STAT5B: variants seen among roughly 807,000 people sequenced by gnomAD.
STAT5B encodes the protein transcription factor STAT5B.
STAT5B carries 21 observed loss-of-function variants against 107.8 expected under a neutral mutation model. The ratio of observed to expected loss-of-function variants is 0.19; its 90% CI spans 0.14 to 0.28. STAT5B has a LOEUF of 0.28. STAT5B is among the 10% of genes least tolerant of loss of function. The pLI is 1.00. For missense variants in STAT5B, 565 were observed against 1,008.2 expected (o/e 0.56, Z 5.95); for synonymous variants, 325 against 401.7 (o/e 0.81, Z 2.28).
At chr17:42,268,866 T>G (rs1035195263) in intron 1 of STAT5B, among the ~76,000 whole-genome samples, 1 of 152,232 alleles carries the variant, frequency 6.6e-6, no homozygotes, top group African/African-American at 2.4e-5. Context: ...TTTACCTATT[T>G]AAATATACTG....
intron 12 of STAT5B, among the ~76,000 whole-genome samples, chr17:42,215,628 T>A (rs754306895): frequency 5.9e-5 from 9 of 152,146 alleles, no homozygotes; most frequent in Non-Finnish European, 8.8e-5. Flanking sequence ...ATGCTTTTTT[T>A]TTATTATTGA....
chr17:42,266,567 C>A (rs996468144), intron 1 of STAT5B, among the ~76,000 whole-genome samples: 5 of 149,534 alleles, frequency 3.3e-5, no homozygotes, highest in African/African-American at 4.9e-5. Context: ...AAAAAAAAAT[C>A]ATTCCCTTAA....
intron 1 of STAT5B, among the ~76,000 whole-genome samples, chr17:42,248,198 C>A (rs2080467961): frequency 6.7e-6 from 1 of 150,094 alleles, no homozygotes; most frequent in African/African-American, 2.5e-5. Context: ...CTGCTTAAGC[C>A]CAGGAGTTTG....
chr17:42,273,339 C>G (rs1315331818), intron 1 of STAT5B, among the ~76,000 whole-genome samples: 1 of 152,112 alleles, frequency 6.6e-6, no homozygotes, highest in Non-Finnish European at 1.5e-5. Context: ...AACTTTGAAG[C>G]ATTATTTTTA....
intron 1 of STAT5B, among the ~76,000 whole-genome samples, chr17:42,262,892 G>T (rs554518872): frequency 8.8e-6 from 1 of 113,924 alleles, no homozygotes; most frequent in African/African-American, 3.3e-5. Context: ...ACATATATAT[G>T]TGTGTATATA....
intron 1 of STAT5B, among the ~76,000 whole-genome samples, chr17:42,260,211 C>T (rs1027028858): frequency 7.9e-5 from 12 of 152,110 alleles, no homozygotes; most frequent in Admixed American, 4.6e-4. Flanking sequence ...CCTTTCAGTA[C>T]GTTTGGAACA....
chr17:42,260,028 C>T (rs1461474652), intron 1 of STAT5B, among the ~76,000 whole-genome samples: 10 of 152,138 alleles, frequency 6.6e-5, no homozygotes, highest in Admixed American at 3.3e-4. Context: ...CATTTCCCTT[C>T]GTTAGAAGGC....
intron 5 of STAT5B, among the ~76,000 whole-genome samples, chr17:42,220,923 C>A (rs1177785896): frequency 6.6e-6 from 1 of 151,366 alleles, no homozygotes; most frequent in African/African-American, 2.4e-5. Context: ...ACCCTCCCAG[C>A]GACAGCCCGT....
chr17:42,232,541 G>A (rs1199152866), intron 1 of STAT5B, among the ~76,000 whole-genome samples: 1 of 152,082 alleles, frequency 6.6e-6, no homozygotes, highest in Non-Finnish European at 1.5e-5. Flanking sequence ...GAGCCACCAC[G>A]TTTGGCCAAA....
intron 14 of STAT5B, 31 bp from the exon 15 acceptor site, chr17:42,210,332 G>A: frequency 1.2e-6 from 2 of 1,614,198 alleles, no homozygotes; most frequent in Non-Finnish European, 1.7e-6. Context: ...GACAGAAGCA[G>A]AGTGTGACTT....
rs1446728502 is a variant in STAT5B at position 42,214,176 on chromosome 17, G to GT, written c.1473+1837dup. 7 of 962,190 alleles carry GT rather than the reference G, an allele frequency of 7.3e-6. No homozygotes were observed. The African/African-American group carries it at 1.1e-4, about 15-fold the overall frequency. The allele number at this position is 962,190 out of a possible 1,614,324, so 59.6% of individuals were successfully genotyped here. ...TAAAAAAAAAAAAATAGCATAAGAT[G>GT]TAAGTAGTCATTAACATAGCTGAGA... On this transcript the variant is annotated intron_variant, in intron 12 of 18. Transcript: ENST00000293328.
intron 12 of STAT5B, chr17:42,214,469 T>C (rs1337161373): frequency 2.0e-6 from 2 of 985,318 alleles, no homozygotes; most frequent in Non-Finnish European, 2.4e-6. Context: ...AAGAGGAGTG[T>C]TGGGAAACGT....
In STAT5B at chr17:42,223,644, C is replaced by T. The variant is rs2080249488; in HGVS notation, c.376-88G>A. 2.0e-6 allele frequency: 3 copies of T among 1,518,032 alleles called. No homozygotes were observed. In the African/African-American group the frequency reaches 4.2e-5, roughly 21 times the overall value. The allele number at this position is 1,518,032 out of a possible 1,614,324, so 94.0% of individuals were successfully genotyped here. The stretch of plus-strand genomic sequence containing the variant: ...CCCAGGAAAAGCCAGCTCCTACAAC[C>T]AGGGTAAGACCCCAAAAGGTAAATT... On this transcript the variant is annotated intron_variant, in intron 4 of 18. Coordinates refer to ENST00000293328, the MANE Select transcript of STAT5B (RefSeq NM_012448.4).
chr17:42,241,935 C>A (rs997979935), intron 1 of STAT5B, among the ~76,000 whole-genome samples: 1 of 151,740 alleles, frequency 6.6e-6, no homozygotes, highest in Non-Finnish European at 1.5e-5. Flanking sequence ...GAAGCCAATT[C>A]TCTTTTTAAA....
chr17:42,256,193 C>A (rs2080542507), intron 1 of STAT5B, among the ~76,000 whole-genome samples: 1 of 152,156 alleles, frequency 6.6e-6, no homozygotes, highest in South Asian at 2.1e-4. Flanking sequence ...ATCTTTAATG[C>A]TGAAATCCAA....
At chr17:42,248,858 G>C (rs183419874) in intron 1 of STAT5B, among the ~76,000 whole-genome samples, 7 of 152,332 alleles carry the variant, frequency 4.6e-5, no homozygotes, top group African/African-American at 1.7e-4. Context: ...TGCTTCTGCA[G>C]CTAGTACGCA....
intron 2 of STAT5B, among the ~76,000 whole-genome samples, chr17:42,230,238 GCTA>G (rs2080306689): frequency 6.6e-6 from 1 of 151,976 alleles, no homozygotes; most frequent in African/African-American, 2.4e-5. Context: ...ACAGAAATTT[GCTA>G]CTAACACGCA....
At chr17:42,206,847 T>C (rs575206604) in intron 16 of STAT5B, among the ~76,000 whole-genome samples, 1 of 150,342 alleles carries the variant, frequency 6.7e-6, no homozygotes, top group East Asian at 2.0e-4. Flanking sequence ...AGTGCTGGGA[T>C]TATAGGTGTG....
chr17:42,204,534 C>T (rs1452508216), intron 16 of STAT5B, among the ~76,000 whole-genome samples: 1 of 152,206 alleles, frequency 6.6e-6, no homozygotes, highest in Non-Finnish European at 1.5e-5. Context: ...CTTTTCATAA[C>T]ATGTTTTTTG....
Sources: gnomAD v4.1 joint callset for allele counts (sites outside exome capture counted in the v4.1 genomes callset) on GRCh38, gnomAD v4.1.1 for gene constraint, MANE v1.5 for transcripts, NCBI Gene and HGNC (gene_info 2026-07-23, HGNC 2026-07-21) for gene names.